Variants in ARHGAP10 observed in about 807,000 individuals in gnomAD.
ARHGAP10 encodes rho GTPase-activating protein 10.
ARHGAP10 carries 87 observed loss-of-function variants against 108.6 expected under a neutral mutation model. The observed-to-expected ratio is 0.80, with a 90% CI of 0.67 to 0.96. ARHGAP10 has a LOEUF of 0.96. Among genes scored for constraint, ARHGAP10 ranks in the 40% least tolerant of loss-of-function variants. The pLI is 0.00. For synonymous variants in ARHGAP10, 347 were observed against 341.1 expected (o/e 1.02, Z -0.19); for missense variants, 939 against 954.5 (o/e 0.98, Z 0.21).
chr4:147,783,486 A>G (rs538994628), intron 1 of ARHGAP10, among the ~76,000 whole-genome samples: 97 of 147,364 alleles, frequency 6.6e-4, no homozygotes, highest in African/African-American at 2.3e-3. Context: ...TTTATATAGC[A>G]CACATTAAAT....
intron 14 of ARHGAP10, among the ~76,000 whole-genome samples, chr4:147,940,975 G>A (rs1738146048): frequency 6.6e-6 from 1 of 152,190 alleles, no homozygotes; most frequent in South Asian, 2.1e-4. Context: ...ACTTGGGTGT[G>A]CAATTTTGGC....
At chr4:147,802,906 G>GGC (rs1731639034) in intron 1 of ARHGAP10, among the ~76,000 whole-genome samples, 1 of 152,184 alleles carries the variant, frequency 6.6e-6, no homozygotes, top group African/African-American at 2.4e-5. Flanking sequence ...AAGTTTTGGA[G>GGC]AACTCCTTTG....
intron 10 of ARHGAP10, among the ~76,000 whole-genome samples, chr4:147,884,274 C>T (rs183805912): frequency 6.0e-4 from 91 of 152,256 alleles, no homozygotes; most frequent in African/African-American, 2.2e-3. Flanking sequence ...CACTCTCCAC[C>T]CCTCAAAGAC....
At chr4:148,002,902 GTCTC>G (rs1028677516) in intron 18 of ARHGAP10, among the ~76,000 whole-genome samples, 59 of 152,158 alleles carry the variant, frequency 3.9e-4, no homozygotes, top group Middle Eastern at 3.4e-3. Context: ...GGTTTTTTGT[GTCTC>G]TATCTCCTTC....
chr4:147,793,675 A>G (rs2126750058), intron 1 of ARHGAP10, among the ~76,000 whole-genome samples: 1 of 152,320 alleles, frequency 6.6e-6, no homozygotes, highest in Non-Finnish European at 1.5e-5. Context: ...ATACTGCTCA[A>G]CTGTCCAGGA....
In ARHGAP10 at chr4:147,840,714, G is replaced by C. The variant is rs566106718; in HGVS notation, c.313-6437G>C. Reference sequence around the variant, plus strand: ...TGTTCTCGAGACATCTTGCACACCTGAGCAGTTGCCTTTCAGCATCCTGTA... The same window carrying C: ...TGTTCTCGAGACATCTTGCACACCTCAGCAGTTGCCTTTCAGCATCCTGTA... On this transcript the variant is annotated intron_variant, in intron 3 of 22. Coordinates refer to ENST00000336498, the MANE Select transcript of ARHGAP10 (RefSeq NM_024605.4). 5.3e-5 allele frequency among the ~76,000 whole-genome samples: 8 copies of C among 152,262 alleles called. No individual in the cohort carries two copies. The South Asian group carries it at 1.7e-3, about 32-fold the overall frequency.
intron 1 of ARHGAP10, among the ~76,000 whole-genome samples, chr4:147,818,607 A>G (rs1365111507): frequency 1.3e-5 from 2 of 150,358 alleles, no homozygotes; most frequent in East Asian, 1.9e-4. Flanking sequence ...AGTTTCCTCT[A>G]TTCTCCCTGC....
At chr4:147,835,520 T>A (rs1733134175) in intron 3 of ARHGAP10, among the ~76,000 whole-genome samples, 1 of 152,176 alleles carries the variant, frequency 6.6e-6, no homozygotes, top group South Asian at 2.1e-4. Context: ...GTTACAGGCA[T>A]GTGCCACCAT....
At chr4:147,966,163 T>C (rs17024220) in intron 17 of ARHGAP10, among the ~76,000 whole-genome samples, 11,695 of 152,220 alleles carry the variant, frequency 0.077, 1,019 homozygotes, top group African/African-American at 0.21. Flanking sequence ...TATAATATTC[T>C]GGGGAAAGAG....
At chr4:148,039,683 GA>G (rs907405618) in intron 19 of ARHGAP10, among the ~76,000 whole-genome samples, 5 of 151,678 alleles carry the variant, frequency 3.3e-5, no homozygotes, top group African/African-American at 1.2e-4. Context: ...CTTTTTATAT[GA>G]TCTGCTTTTT....
At chr4:147,843,548 A>C (rs1304682328) in intron 3 of ARHGAP10, among the ~76,000 whole-genome samples, 1 of 151,918 alleles carries the variant, frequency 6.6e-6, no homozygotes, top group Non-Finnish European at 1.5e-5. Context: ...TTTCTTTGAG[A>C]CGGAGTTTCG....
chr4:147,997,586 T>C (rs1299770571), intron 18 of ARHGAP10, among the ~76,000 whole-genome samples: 1 of 152,166 alleles, frequency 6.6e-6, no homozygotes, highest in Non-Finnish European at 1.5e-5. Flanking sequence ...AGGACAAAGA[T>C]GGCCCATCAG....
intron 15 of ARHGAP10, among the ~76,000 whole-genome samples, chr4:147,951,073 A>G (rs916164880): frequency 3.4e-4 from 52 of 152,092 alleles, no homozygotes; most frequent in African/African-American, 1.2e-3. Flanking sequence ...GGAACTTGTC[A>G]TTTTTATGGC....
chr4:148,049,803 TG>T (rs1406288892), intron 20 of ARHGAP10, among the ~76,000 whole-genome samples: 9 of 139,766 alleles, frequency 6.4e-5, no homozygotes, highest in Non-Finnish European at 1.1e-4. Flanking sequence ...TTGTTTTTTT[TG>T]TTTGTTTGTT....
intron 13 of ARHGAP10, among the ~76,000 whole-genome samples, chr4:147,915,719 C>G (rs995275655): frequency 5.9e-5 from 9 of 152,074 alleles, no homozygotes; most frequent in Non-Finnish European, 1.3e-4. Context: ...TTTTTCCCCC[C>G]AAAGGTCTTC....
Position 147,881,832 on chromosome 4 carries a change from T to A in ARHGAP10, c.940-6T>A, listed in dbSNP as rs1484870718. On this transcript the variant is annotated splice_polypyrimidine_tract_variant and splice_region_variant and intron_variant, in intron 9 of 22. Transcript: ENST00000336498. Reference sequence around the variant, plus strand: ...TTTTGAGAATGTTCAAAATGATTATTTGCAGGGGGACGGAGAGGTGTTCTT... The same window carrying A: ...TTTTGAGAATGTTCAAAATGATTATATGCAGGGGGACGGAGAGGTGTTCTT... The A allele has an allele frequency of 6.2e-7, 1 of 1,613,364 alleles. No homozygotes were observed. Among genetic ancestry groups the A allele is most frequent in the Admixed American group, 1.7e-5 (1 of 59,930 alleles).
At chr4:147,880,049 C>T (rs1434327585) in intron 9 of ARHGAP10, among the ~76,000 whole-genome samples, 1 of 152,158 alleles carries the variant, frequency 6.6e-6, no homozygotes, top group East Asian at 1.9e-4. Flanking sequence ...GAAACTAAAA[C>T]AGCAAAGCAT....
chr4:147,793,327 T>A (rs1254099737), intron 1 of ARHGAP10, among the ~76,000 whole-genome samples: 102 of 151,648 alleles, frequency 6.7e-4, no homozygotes, highest in African/African-American at 2.3e-3. Flanking sequence ...TATATTTTTT[T>A]TTTTTTACAA....
chr4:148,029,999 C>A (rs939737551), intron 19 of ARHGAP10, among the ~76,000 whole-genome samples: 1 of 151,426 alleles, frequency 6.6e-6, no homozygotes, highest in Non-Finnish European at 1.5e-5. Context: ...CAGCATCCCC[C>A]CCCCCACCAA....
Sources: allele counts gnomAD v4.1 joint callset (sites outside exome capture counted in the v4.1 genomes callset), GRCh38; gene constraint gnomAD v4.1.1; transcripts MANE v1.5; gene names NCBI Gene and HGNC (gene_info 2026-07-23, HGNC 2026-07-21).